Variants in UBL3 observed in about 807,000 individuals in gnomAD.
UBL3 encodes the protein ubiquitin-like protein 3.
UBL3 carries 6 observed loss-of-function variants against 18.4 expected under a neutral mutation model. The ratio of observed to expected loss-of-function variants is 0.33; its 90% confidence interval spans 0.18 to 0.64. The LOEUF is 0.64. Ranked by LOEUF, UBL3 falls within the 30% of genes least tolerant of loss-of-function variation. The probability of loss-of-function intolerance (pLI) is 0.76; values close to 1 mark genes in which losing one functional copy is unlikely to be tolerated. For synonymous variants in UBL3, 49 were observed against 46.6 expected (o/e 1.05, Z -0.21); for missense variants, 109 against 142.9 (o/e 0.76, Z 1.21).
chr13:29,812,498 G>A (rs1048919474), intron 1 of UBL3, among the ~76,000 whole-genome samples: 2 of 152,142 alleles, frequency 1.3e-5, no homozygotes, highest in Non-Finnish European at 2.9e-5. Flanking sequence ...GGTCATATAT[G>A]TTGAAGGTAT....
intron 1 of UBL3, among the ~76,000 whole-genome samples, chr13:29,802,834 T>A (rs1298668812): frequency 6.6e-6 from 1 of 152,210 alleles, no homozygotes; most frequent in Non-Finnish European, 1.5e-5. Context: ...TATGACTAAC[T>A]GGCATTCCTG....
chr13:29,830,478 C>T (rs1878744426), intron 1 of UBL3, among the ~76,000 whole-genome samples: 1 of 152,154 alleles, frequency 6.6e-6, no homozygotes. Context: ...CCTCCTATGA[C>T]AGCTGGGAAT....
chr13:29,849,682 C>G lies in UBL3; in HGVS notation c.-144G>C. ...CCCCAAAAATAAAGTTATTTTGGAG[C>G]CAAAGTGCCGGTCAGGCCGAGGTTC... On this transcript the variant is annotated 5_prime_UTR_variant, in exon 1 of 5. Coordinates refer to ENST00000380680, the MANE Select transcript of UBL3 (RefSeq NM_007106.4). 4 of 1,102,196 alleles carry G rather than the reference C, an allele frequency of 3.6e-6. No individual in the cohort carries two copies. The South Asian group carries it at 5.5e-5, about 15-fold the overall frequency. 68.3% of individuals were successfully genotyped at this position (1,102,196 alleles called of 1,614,324 possible).
chr13:29,816,936 A>C (rs888944978), intron 1 of UBL3, among the ~76,000 whole-genome samples: 5 of 152,106 alleles, frequency 3.3e-5, no homozygotes, highest in African/African-American at 1.2e-4. Flanking sequence ...CCTAACTGCT[A>C]GGTAAATTAG....
rs749532675 is a variant in UBL3 at position 29,764,497 on chromosome 13, G to C, written c.*2758C>G. ...CAGAAATTACTGTAACATTGGTCAC[G>C]ATGACTTCATAAAACTAAAGATAAA... On this transcript the variant is annotated 3_prime_UTR_variant, in exon 5 of 5. Coordinates refer to ENST00000380680, the MANE Select transcript of UBL3 (RefSeq NM_007106.4). 1.3e-5 allele frequency: 2 copies of C among 152,154 alleles called. No individual in the cohort carries two copies. The highest frequency in any genetic ancestry group is 4.8e-5 in the African/African-American group (2 of 41,426). The allele number at this position is 152,154 out of a possible 1,614,324, so 9.4% of individuals were successfully genotyped here.
chr13:29,818,342 AG>A (rs1324831340), intron 1 of UBL3, among the ~76,000 whole-genome samples: 2 of 152,220 alleles, frequency 1.3e-5, no homozygotes, highest in African/African-American at 4.8e-5. Context: ...TTCAAAACAC[AG>A]GAATTCAGAG....
chr13:29,784,199 T>C (rs1877248649), intron 1 of UBL3, among the ~76,000 whole-genome samples: 1 of 152,138 alleles, frequency 6.6e-6, no homozygotes, highest in African/African-American at 2.4e-5. Context: ...TAATATGTTT[T>C]TAGTTGGTCA....
At chr13:29,771,223 T>A (rs951314152) in intron 3 of UBL3, among the ~76,000 whole-genome samples, 1 of 152,038 alleles carries the variant, frequency 6.6e-6, no homozygotes, top group Non-Finnish European at 1.5e-5. Context: ...GAGGAAAAAC[T>A]CAGACTATAT....
At chr13:29,821,933 G>A (rs1878463403) in intron 1 of UBL3, among the ~76,000 whole-genome samples, 1 of 149,878 alleles carries the variant, frequency 6.7e-6, no homozygotes, top group African/African-American at 2.5e-5. Flanking sequence ...TAGTCCTAAA[G>A]CTCTTTGTTA....
chr13:29,835,153 T>TATATATATATATATATATATATAA (rs1878922028), intron 1 of UBL3, among the ~76,000 whole-genome samples: 2 of 30,494 alleles, frequency 6.6e-5, no homozygotes, highest in Non-Finnish European at 1.2e-4. Flanking sequence ...TATATATATA[T>TATATATATATATATATATATATAA]ATATATATAT....
chr13:29,822,703 A>G (rs1449055391), intron 1 of UBL3, among the ~76,000 whole-genome samples: 1 of 152,168 alleles, frequency 6.6e-6, no homozygotes, highest in African/African-American at 2.4e-5. Context: ...ACACCTGGCC[A>G]AAGACTGCAT....
chr13:29,783,593 A>C (rs1877234411), intron 1 of UBL3, among the ~76,000 whole-genome samples: 1 of 152,256 alleles, frequency 6.6e-6, no homozygotes, highest in African/African-American at 2.4e-5. Context: ...AGAATCTTCC[A>C]GGGCTTATTC....
intron 1 of UBL3, among the ~76,000 whole-genome samples, chr13:29,788,190 T>C (rs144504236): frequency 5.9e-5 from 9 of 152,338 alleles, no homozygotes; most frequent in African/African-American, 1.9e-4. Flanking sequence ...AAATCTTTTA[T>C]GTCTACACTT....
Position 29,789,217 on chromosome 13 carries a change from G to T in UBL3, c.28-11954C>A, listed in dbSNP as rs117144478. Among the ~76,000 whole-genome samples, 560 of 152,214 alleles carry T rather than the reference G, an allele frequency of 3.7e-3. 6 individuals carry two copies. Among genetic ancestry groups the T allele is most frequent in the South Asian group, 0.018 (88 of 4,820 alleles). On this transcript the variant is annotated intron_variant, in intron 1 of 4. Coordinates refer to ENST00000380680, the MANE Select transcript of UBL3 (RefSeq NM_007106.4). ...CCCGGCGGGAATTATTGTTTAATGGGCATAGAGTTTCAGTTTTGCAAAATG... is the reference window on the plus strand; with the variant it reads ...CCCGGCGGGAATTATTGTTTAATGGTCATAGAGTTTCAGTTTTGCAAAATG...
intron 1 of UBL3, among the ~76,000 whole-genome samples, chr13:29,790,462 G>A (rs1037377405): frequency 6.6e-6 from 1 of 152,074 alleles, no homozygotes; most frequent in Non-Finnish European, 1.5e-5. Flanking sequence ...ATCTTCCTTA[G>A]TCTCTGTAAC....
intron 1 of UBL3, among the ~76,000 whole-genome samples, chr13:29,795,257 C>T (rs955017949): frequency 7.2e-5 from 11 of 152,086 alleles, no homozygotes; most frequent in South Asian, 4.1e-4. Context: ...AAAGGCTTAA[C>T]TTGTAAATCC....
chr13:29,842,766 C>A (rs1190980272), intron 1 of UBL3, among the ~76,000 whole-genome samples: 1 of 152,106 alleles, frequency 6.6e-6, no homozygotes, highest in East Asian at 1.9e-4. Flanking sequence ...CTAAGCAGTT[C>A]TTCACTATCA....
intron 1 of UBL3, among the ~76,000 whole-genome samples, chr13:29,799,981 T>A (rs199604101): frequency 6.6e-6 from 1 of 151,584 alleles, no homozygotes; most frequent in East Asian, 1.9e-4. Context: ...TTTTATGCAA[T>A]GGCAGAACCA....
intron 1 of UBL3, among the ~76,000 whole-genome samples, chr13:29,831,919 CAT>C (rs1330107843): frequency 2.6e-5 from 4 of 152,242 alleles, no homozygotes; most frequent in East Asian, 1.9e-4. Context: ...ACTAGATACA[CAT>C]AGATATTTTC....
Sources: allele counts gnomAD v4.1 joint callset (sites outside exome capture counted in the v4.1 genomes callset), GRCh38; gene constraint gnomAD v4.1.1; transcripts MANE v1.5; gene names NCBI Gene and HGNC (gene_info 2026-07-23, HGNC 2026-07-21).